Variants in GAREM1 observed in about 807,000 individuals in gnomAD.
GAREM1 encodes the protein GRB2 associated regulator of MAPK1 subtype 1, also known as GRB2-associated and regulator of MAPK protein 1.
GAREM1 carries 26 observed loss-of-function variants against 71.3 expected under a neutral mutation model. That is an observed-to-expected ratio of 0.36 (90% CI 0.27 to 0.51). GAREM1 has a LOEUF of 0.51. GAREM1 is among the 20% of genes least tolerant of loss of function. The probability of loss-of-function intolerance (pLI) is 0.95; values close to 1 mark genes in which losing one functional copy is unlikely to be tolerated. For missense variants in GAREM1, 1,026 were observed against 1,103.1 expected (o/e 0.93, Z 0.99); for synonymous variants, 440 against 433.2 (o/e 1.02, Z -0.20).
intron 2 of GAREM1, among the ~76,000 whole-genome samples, chr18:32,316,010 C>T (rs998102097): frequency 2.6e-5 from 4 of 152,070 alleles, no homozygotes; most frequent in African/African-American, 9.7e-5. Context: ...TAGCCTCAAA[C>T]ATATTTTGGC....
chr18:32,383,776 G>A (rs2048118639), intron 2 of GAREM1, among the ~76,000 whole-genome samples: 1 of 152,066 alleles, frequency 6.6e-6, no homozygotes, highest in Non-Finnish European at 1.5e-5. Context: ...CAGTAGCCTA[G>A]GAGTTTTGAA....
intron 1 of GAREM1, among the ~76,000 whole-genome samples, chr18:32,461,866 G>A (rs1313290736): frequency 6.6e-6 from 1 of 152,064 alleles, no homozygotes; most frequent in Admixed American, 6.6e-5. Flanking sequence ...TCCTAGAACC[G>A]GCAGCTCAGT....
Position 32,323,662 on chromosome 18 carries a change from T to C in GAREM1, c.263-13339A>G, listed in dbSNP as rs190514372. On this transcript the variant is annotated intron_variant, in intron 2 of 5. Transcript: ENST00000269209. ...AGGCAGAGGTTGCAGTGGGCCAAAATTGCGCCACTGCACTCCAGCCTGGGC... is the reference window on the plus strand; with the variant it reads ...AGGCAGAGGTTGCAGTGGGCCAAAACTGCGCCACTGCACTCCAGCCTGGGC... Among the ~76,000 whole-genome samples, 6 of 152,252 alleles carry C rather than the reference T, an allele frequency of 3.9e-5. No homozygotes were observed. The East Asian group carries it at 7.7e-4, about 20-fold the overall frequency.
intron 2 of GAREM1, among the ~76,000 whole-genome samples, chr18:32,371,970 A>G (rs745704724): frequency 6.6e-6 from 1 of 152,192 alleles, no homozygotes; most frequent in Non-Finnish European, 1.5e-5. Context: ...GTCAGACCAC[A>G]ATGAGTTATG....
chr18:32,282,390 C>T (rs1490239947), intron 4 of GAREM1, among the ~76,000 whole-genome samples: 6 of 152,066 alleles, frequency 3.9e-5, no homozygotes, highest in Admixed American at 2.0e-4. Context: ...CGCACCACTG[C>T]GCTCCAGCCT....
chr18:32,424,945 T>A (rs1156474677), intron 1 of GAREM1, among the ~76,000 whole-genome samples: 1 of 152,144 alleles, frequency 6.6e-6, no homozygotes, highest in Non-Finnish European at 1.5e-5. Flanking sequence ...CCAAAGGGTA[T>A]ATCAAACCGT....
rs537220520 is a variant in GAREM1 at position 32,451,261 on chromosome 18, A to G, written c.121+19047T>C. On this transcript the variant is annotated intron_variant, in intron 1 of 5. Transcript: ENST00000269209. ...GCAGAGCCCCCATCCCCCCACCCCCAAGCTAGCTCATTTCATCTCAACTGT... is the reference window on the plus strand; with the variant it reads ...GCAGAGCCCCCATCCCCCCACCCCCGAGCTAGCTCATTTCATCTCAACTGT... 1.5e-4 allele frequency among the ~76,000 whole-genome samples: 3 copies of G among 19,982 alleles called. No homozygotes were observed. In the East Asian group the frequency reaches 3.9e-3, roughly 26 times the overall value. The allele number at this position is 19,982 out of a possible 152,430, so 13.1% of individuals were successfully genotyped here.
At chr18:32,313,888 A>C (rs2047349897) in intron 2 of GAREM1, among the ~76,000 whole-genome samples, 1 of 152,148 alleles carries the variant, frequency 6.6e-6, no homozygotes, top group Non-Finnish European at 1.5e-5. Context: ...AGAAGGCTTT[A>C]AGGATATAGA....
intron 1 of GAREM1, among the ~76,000 whole-genome samples, chr18:32,442,098 T>C (rs912587601): frequency 2.0e-5 from 3 of 152,184 alleles, no homozygotes; most frequent in Non-Finnish European, 4.4e-5. Context: ...TATTGATCTA[T>C]CATTTTAAAA....
chr18:32,461,407 T>C (rs2048952773), intron 1 of GAREM1, among the ~76,000 whole-genome samples: 1 of 152,228 alleles, frequency 6.6e-6, no homozygotes, highest in East Asian at 1.9e-4. Flanking sequence ...TCTGAAATAA[T>C]TCATCCTGCC....
intron 2 of GAREM1, among the ~76,000 whole-genome samples, chr18:32,332,821 G>A (rs2047550737): frequency 6.6e-6 from 1 of 152,134 alleles, no homozygotes; most frequent in Admixed American, 6.5e-5. Flanking sequence ...TCTTAAAGCT[G>A]GTCCCTCCTG....
chr18:32,467,572 T>C (rs1386078588), intron 1 of GAREM1, among the ~76,000 whole-genome samples: 1 of 152,204 alleles, frequency 6.6e-6, no homozygotes, highest in East Asian at 1.9e-4. Flanking sequence ...TCTAGAAATG[T>C]ACCAGCCCAT....
At chr18:32,386,276 G>A (rs930605323) in intron 2 of GAREM1, among the ~76,000 whole-genome samples, 2 of 152,174 alleles carry the variant, frequency 1.3e-5, no homozygotes, top group Non-Finnish European at 2.9e-5. Context: ...CTTTTGTTCA[G>A]TAATTACAAT....
intron 1 of GAREM1, chr18:32,412,333 C>T: frequency 3.1e-6 from 5 of 1,594,358 alleles, no homozygotes; most frequent in South Asian, 2.2e-5. Flanking sequence ...TTTCTGCCTC[C>T]AAAATTTCCT....
At chr18:32,461,897 C>G (rs185048126) in intron 1 of GAREM1, among the ~76,000 whole-genome samples, 1 of 152,216 alleles carries the variant, frequency 6.6e-6, no homozygotes, top group Admixed American at 6.5e-5. Flanking sequence ...ACAGATACCT[C>G]AGGAATCTCA....
intron 1 of GAREM1, among the ~76,000 whole-genome samples, chr18:32,444,940 C>T (rs375124339): frequency 3.2e-4 from 49 of 152,274 alleles, no homozygotes; most frequent in African/African-American, 1.2e-3. Context: ...TTCTTCAAGA[C>T]TCAGCATAGG....
intron 2 of GAREM1, among the ~76,000 whole-genome samples, chr18:32,362,076 A>C (rs1431548162): frequency 1.3e-5 from 2 of 152,202 alleles, no homozygotes; most frequent in Admixed American, 1.3e-4. Flanking sequence ...ATGGGAAGCC[A>C]CAGAGGAACA....
At chr18:32,463,856 A>C (rs934628925) in intron 1 of GAREM1, among the ~76,000 whole-genome samples, 1 of 151,566 alleles carries the variant, frequency 6.6e-6, no homozygotes, top group Non-Finnish European at 1.5e-5. Context: ...GGCGTGAGCC[A>C]CTGCGCCCGG....
At chr18:32,432,197 T>A (rs10853421) in intron 1 of GAREM1, among the ~76,000 whole-genome samples, 2 of 151,958 alleles carry the variant, frequency 1.3e-5, no homozygotes, top group Non-Finnish European at 2.9e-5. Context: ...AAAATAAATA[T>A]GATGGTGCAA....
Sources: gnomAD v4.1 joint callset for allele counts (sites outside exome capture counted in the v4.1 genomes callset) on GRCh38, gnomAD v4.1.1 for gene constraint, MANE v1.5 for transcripts, NCBI Gene and HGNC (gene_info 2026-07-23, HGNC 2026-07-21) for gene names.